The following NOM1 variants were observed in gnomAD, a reference collection of about 807,000 sequenced individuals.
NOM1 encodes nucleolar MIF4G domain-containing protein 1.
A neutral mutation model predicts 73.3 loss-of-function variants in NOM1; 58 were observed. The ratio of observed to expected loss-of-function variants is 0.79; its 90% CI spans 0.64 to 0.99. The LOEUF (loss-of-function observed/expected upper bound fraction) is 0.99. Among genes scored for constraint, NOM1 ranks in the 50% least tolerant of loss-of-function variants. The probability of loss-of-function intolerance (pLI) is 0.00; values close to 1 mark genes in which losing one functional copy is unlikely to be tolerated. For synonymous variants in NOM1, 487 were observed against 446.8 expected, an observed-to-expected ratio of 1.09 and a Z score of -1.14; for missense variants, 1,226 against 1,131.9, an observed-to-expected ratio of 1.08 and a Z score of -1.19.
At chr7:156,963,237 T>C (rs2134791090) in intron 6 of NOM1, 62 bp downstream of exon 6, 1 of 1,554,678 alleles carries the variant, frequency 6.4e-7, no homozygotes, top group African/African-American at 1.4e-5. Flanking sequence ...TGTGTGGTCC[T>C]GGCTTTACCT....
rs989143249 is a variant in NOM1, at chr7:156,964,158, C to T, written c.2033+132C>T. 2.1e-5 allele frequency: 18 copies of T among 853,906 alleles called. 1 individual carries two copies. The highest frequency in any genetic ancestry group is 6.8e-5 in the African/African-American group (4 of 58,840). 52.9% of individuals were successfully genotyped at this position (853,906 alleles called of 1,614,324 possible). A position where few individuals can be genotyped will look rare whatever the true frequency, so the allele number is the denominator to read the frequency against. On this transcript the variant is annotated intron_variant, in intron 7 of 10. Transcript: ENST00000275820. ...GGACTGGGCTGTTCTCATGACCATC[C>T]GCTCACGCTGTTGGATTCGTGCATC...
At chr7:156,967,710 A>T (rs1053203023) in intron 9 of NOM1, among the ~76,000 whole-genome samples, 8 of 152,088 alleles carry the variant, frequency 5.3e-5, no homozygotes, top group Non-Finnish European at 8.8e-5. Flanking sequence ...TTTTTAATAG[A>T]GACGGGATTT....
At chr7:156,960,533 CTGA>C (rs1804838669) in intron 4 of NOM1, among the ~76,000 whole-genome samples, 3 of 152,138 alleles carry the variant, frequency 2.0e-5, no homozygotes, top group Non-Finnish European at 4.4e-5. Context: ...AAAACAGGGA[CTGA>C]TCACAGCTCC....
intron 3 of NOM1, chr7:156,958,494 A>G (rs1276649836): frequency 6.6e-6 from 1 of 152,202 alleles, no homozygotes; most frequent in Non-Finnish European, 1.5e-5. Context: ...TTCTCCCTCC[A>G]GTCCCAGCTT....
chr7:156,969,603 A>G lies in NOM1; in HGVS notation c.2483A>G (p.Asn828Ser). 6.2e-7 allele frequency: 1 copy of G among 1,614,094 alleles called. No individual in the cohort carries two copies. Among genetic ancestry groups the G allele is most frequent in the South Asian group, 1.1e-5 (1 of 91,074 alleles). ...KLFISHFLLK[N>S]AQAHRSADEA... ...TTCATCAGCCACTTCTTGCTAAAGAACGCACAGGCCCACAGAAGCGCCGAC... is the reference window on the plus strand; with the variant it reads ...TTCATCAGCCACTTCTTGCTAAAGAGCGCACAGGCCCACAGAAGCGCCGAC... The change falls in exon 11 of 11, where the codon AAC (asparagine) becomes AGC (serine). Residue 828 changes from asparagine to serine, a missense_variant. Physicochemically the swap from Asn to Ser is conservative, Grantham distance 46. Transcript: ENST00000275820.
chr7:156,950,129 G>T lies in NOM1; in HGVS notation c.392G>T (p.Arg131Leu). 3 of 1,563,876 alleles carry T rather than the reference G, an allele frequency of 1.9e-6. No homozygotes were observed. In the East Asian group the frequency reaches 7.2e-5, roughly 37 times the overall value. ...CGGCAGGACACGGAGGAGCGCGCCC[G>T]CCCAGCCCCTAGTCGGGACCCCTCG... Reference protein sequence around the residue: ...GHRQDTEERARPAPSRDPSPP... With the variant: ...GHRQDTEERALPAPSRDPSPP... The change falls in exon 1 of 11, where the codon CGC (arginine) becomes CTC (leucine). Residue 131 changes from arginine to leucine, a missense_variant. Physicochemically the swap from Arg to Leu is moderately radical, Grantham distance 102. Transcript: ENST00000275820.
intron 8 of NOM1, 35 bp downstream of exon 8, chr7:156,966,437 C>CT (rs750759494): frequency 6.8e-6 from 11 of 1,611,838 alleles, no homozygotes; most frequent in Non-Finnish European, 2.5e-6. Context: ...TACGTCCGCT[C>CT]TACTATTTTT....
rs1805096763 is a variant in NOM1 at position 156,969,723 on chromosome 7, A to C, written c.*20A>C. On this transcript the variant is annotated 3_prime_UTR_variant, in exon 11 of 11. Coordinates refer to ENST00000275820, the MANE Select transcript of NOM1 (RefSeq NM_138400.2). ...ATGTAGTCAGGGAAGGAAGGAGGGC[A>C]GGTGGCCCTTTGACTGTAAAATGTC... The C allele has an allele frequency of 1.3e-6, 2 of 1,591,602 alleles. No homozygotes were observed. The highest frequency in any genetic ancestry group is 1.3e-5 in the African/African-American group (1 of 74,376).
rs765714266 is a variant in NOM1, at chr7:156,949,772, C to T, written c.35C>T (p.Pro12Leu). Residue 12 changes from proline (P) to leucine (L), a missense_variant, in exon 1 of 11, where the codon CCG becomes CTG. Physicochemically the swap from Pro to Leu is moderately conservative, Grantham distance 98. Coordinates refer to ENST00000275820, the MANE Select transcript of NOM1 (RefSeq NM_138400.2). Reference sequence around the variant, plus strand: ...TCCAGGAGCGCGGGAGAGGCCGGCCCGGGCGGCTCCCAGGGACGCGTGGTC... The same window carrying T: ...TCCAGGAGCGCGGGAGAGGCCGGCCTGGGCGGCTCCCAGGGACGCGTGGTC... The part of the protein sequence containing the change: ...AASRSAGEAG[P>L]GGSQGRVVRM... The T allele has an allele frequency of 1.6e-5, 23 of 1,402,586 alleles. No individual in the cohort carries two copies. Among genetic ancestry groups the T allele is most frequent in the Non-Finnish European group, 5.5e-6 (6 of 1,083,694 alleles). The allele number at this position is 1,402,586 out of a possible 1,614,324, so 86.9% of individuals were successfully genotyped here. A position where few individuals can be genotyped will look rare whatever the true frequency, so the allele number is the denominator to read the frequency against.
At chr7:156,958,002 T>C (rs1354179872) in intron 3 of NOM1, among the ~76,000 whole-genome samples, 4 of 152,164 alleles carry the variant, frequency 2.6e-5, no homozygotes, top group Admixed American at 6.5e-5. Context: ...CAAACTGAAG[T>C]GTATATCCAG....
chr7:156,966,961 A>T lies in NOM1; in HGVS notation c.2167A>T (p.Met723Leu), dbSNP rs751360336. The T allele has an allele frequency of 1.2e-6, 2 of 1,611,600 alleles. No individual in the cohort carries two copies. Among genetic ancestry groups the T allele is most frequent in the Non-Finnish European group, 1.7e-6 (2 of 1,179,332 alleles). Residue 723 changes from methionine to leucine, a missense_variant and splice_region_variant, in exon 9 of 11, where the codon ATG becomes TTG. Physicochemically the swap from Met to Leu is conservative, Grantham distance 15. Coordinates refer to ENST00000275820, the MANE Select transcript of NOM1 (RefSeq NM_138400.2). Reference sequence around the variant, plus strand: ...TTTCTCCTTTTAACTATGATACTAGATGACTTTCCAGTTCAGCATATGGGA... The same window carrying T: ...TTTCTCCTTTTAACTATGATACTAGTTGACTTTCCAGTTCAGCATATGGGA... Reference protein sequence around the residue: ...KFCEYERRFQMTFQFSIWDKF... With the variant: ...KFCEYERRFQLTFQFSIWDKF...
Position 156,954,260 on chromosome 7 carries a change from C to G in NOM1, c.1270C>G (p.Leu424Val), listed in dbSNP as rs769238296. 1 of 1,607,160 alleles carries G rather than the reference C, an allele frequency of 6.2e-7. No individual in the cohort carries two copies. Among genetic ancestry groups the G allele is most frequent in the Non-Finnish European group, 8.5e-7 (1 of 1,177,574 alleles). ...CAGCAGACTGATGATGGAGCATGTT[C>G]TCTTAGTCAGCATCCTTCACCACAC... Reference protein sequence around the residue: ...MPSRLMMEHVLLVSILHHTVG... With the variant: ...MPSRLMMEHVVLVSILHHTVG... Residue 424 changes from leucine (L) to valine (V), a missense_variant, in exon 3 of 11, where the codon CTC (leucine) becomes GTC (valine). Leu to Val is a conservative substitution (Grantham distance 32, BLOSUM62 1). Coordinates refer to ENST00000275820, the MANE Select transcript of NOM1 (RefSeq NM_138400.2).
At chr7:156,968,999 T>A in intron 9 of NOM1, 88 bp from the exon 10 acceptor site, 1 of 755,020 alleles carries the variant, frequency 1.3e-6, no homozygotes, top group Non-Finnish European at 2.3e-6. Flanking sequence ...GGGAGATTAA[T>A]TTTTACTCTA....
intron 9 of NOM1, 89 bp downstream of exon 9, chr7:156,967,181 G>T: frequency 3.5e-6 from 5 of 1,439,088 alleles, no homozygotes; most frequent in Non-Finnish European, 2.8e-6. Flanking sequence ...TTTTACCAGC[G>T]TATTTTCTTC....
Position 156,953,691 on chromosome 7 carries a change from T to G in NOM1, c.1113-412T>G, listed in dbSNP as rs574012711. Reference sequence around the variant, plus strand: ...CACTACCCGTTCAAACAGAGCAGCCTTTTCTAGTGTTAGGAACTAAGGATT... The same window carrying G: ...CACTACCCGTTCAAACAGAGCAGCCGTTTCTAGTGTTAGGAACTAAGGATT... On this transcript the variant is annotated intron_variant, in intron 2 of 10. Transcript: ENST00000275820. Among the ~76,000 whole-genome samples, 25 of 152,340 alleles carry G rather than the reference T, an allele frequency of 1.6e-4. No homozygotes were observed. In the South Asian group the frequency reaches 4.6e-3, roughly 28 times the overall value.
intron 4 of NOM1, among the ~76,000 whole-genome samples, chr7:156,960,794 C>T (rs927398896): frequency 3.3e-5 from 5 of 152,176 alleles, no homozygotes; most frequent in Admixed American, 6.5e-5. Context: ...GTCACTTTGA[C>T]TCCAAGGCAG....
intron 1 of NOM1, among the ~76,000 whole-genome samples, chr7:156,952,217 A>G (rs1238420291): frequency 1.3e-5 from 2 of 152,160 alleles, no homozygotes; most frequent in Non-Finnish European, 2.9e-5. Context: ...GGGTCTGAAG[A>G]GCTACACAGG....
At chr7:156,956,032 T>C (rs1423873803) in intron 3 of NOM1, among the ~76,000 whole-genome samples, 5 of 151,334 alleles carry the variant, frequency 3.3e-5, no homozygotes, top group Non-Finnish European at 7.4e-5. Context: ...CTACTAAAAA[T>C]ACAAAAAAAA....
chr7:156,952,571 A>G lies in NOM1; in HGVS notation c.1085A>G (p.Lys362Arg). The change falls in exon 2 of 11, where the codon AAG becomes AGG. Residue 362 changes from lysine (K) to arginine (R), a missense_variant. Transcript: ENST00000275820. ...FKKKEELERL[K>R]KHVKGLLNRL... ...AAAAAGGAAGAACTAGAAAGGCTGAAGAAACATGTAAAAGGTCTACTTAAC... is the reference window on the plus strand; with the variant it reads ...AAAAAGGAAGAACTAGAAAGGCTGAGGAAACATGTAAAAGGTCTACTTAAC... 1 of 1,614,120 alleles carries G rather than the reference A, an allele frequency of 6.2e-7. No individual in the cohort carries two copies. The highest frequency in any genetic ancestry group is 8.5e-7 in the Non-Finnish European group (1 of 1,180,000).
Sources: allele counts gnomAD v4.1 joint callset (sites outside exome capture counted in the v4.1 genomes callset), GRCh38; gene constraint gnomAD v4.1.1; transcripts MANE v1.5; gene names NCBI Gene and HGNC (gene_info 2026-07-23, HGNC 2026-07-21).